TRIM33: variants seen among roughly 807,000 people sequenced by gnomAD.
TRIM33 encodes the protein tripartite motif containing 33, also known as E3 ubiquitin-protein ligase TRIM33.
TRIM33 carries 20 observed loss-of-function variants against 125.4 expected under a neutral mutation model. That is an observed-to-expected ratio of 0.16 (90% CI 0.11 to 0.23). TRIM33 has a LOEUF of 0.23. Among genes scored for constraint, TRIM33 ranks in the 10% least tolerant of loss-of-function variants. The pLI is 1.00. For synonymous variants in TRIM33, 564 were observed against 513.9 expected (o/e 1.10, Z -1.32); for missense variants, 920 against 1,411.4 (o/e 0.65, Z 5.58).
intron 1 of TRIM33, among the ~76,000 whole-genome samples, chr1:114,486,985 G>T (rs139309028): frequency 6.6e-6 from 1 of 151,572 alleles, no homozygotes; most frequent in African/African-American, 2.4e-5. Context: ...TACTTGGGAG[G>T]CTGAAGCAGG....
At chr1:114,444,220 G>C (rs752589462) in intron 4 of TRIM33, among the ~76,000 whole-genome samples, 4 of 152,134 alleles carry the variant, frequency 2.6e-5, no homozygotes, top group Admixed American at 6.5e-5. Flanking sequence ...GATGAGAATG[G>C]GGAACAGAGG....
intron 1 of TRIM33, among the ~76,000 whole-genome samples, chr1:114,476,607 G>A (rs1455970587): frequency 6.6e-6 from 1 of 151,778 alleles, no homozygotes; most frequent in Non-Finnish European, 1.5e-5. Context: ...AAATCTTTAG[G>A]AATCTAATGA....
At chr1:114,413,569 A>AG (rs1553206926) in intron 11 of TRIM33, among the ~76,000 whole-genome samples, 1 of 136,444 alleles carries the variant, frequency 7.3e-6, no homozygotes, top group African/African-American at 3.0e-5. Context: ...AAAAAAAAAA[A>AG]AAAAGAAAAG....
chr1:114,415,748 C>T (rs1474699089), intron 11 of TRIM33, among the ~76,000 whole-genome samples: 2 of 151,878 alleles, frequency 1.3e-5, no homozygotes, highest in African/African-American at 2.4e-5. Flanking sequence ...GTCAGGAGTT[C>T]GAGACCAGCC....
intron 1 of TRIM33, among the ~76,000 whole-genome samples, chr1:114,475,076 T>A (rs1381582099): frequency 6.6e-6 from 1 of 151,700 alleles, no homozygotes; most frequent in East Asian, 1.9e-4. Context: ...TGAAGAAAAA[T>A]CTGGCAAAAC....
In TRIM33 at chr1:114,408,752, T is replaced by G. The variant is rs1345643217; in HGVS notation, c.2195-12A>C. 1 of 1,570,406 alleles carries G rather than the reference T, an allele frequency of 6.4e-7. No individual in the cohort carries two copies. The highest frequency in any genetic ancestry group is 8.7e-7 in the Non-Finnish European group (1 of 1,147,592). ...AGAATTGGATAAACCTAAAAAGTAG[T>G]AAGTCAAAATGAATATCAATGCATA... is the stretch of plus-strand genomic sequence containing the variant. On this transcript the variant is annotated splice_polypyrimidine_tract_variant and intron_variant, in intron 12 of 19. Transcript: ENST00000358465.
intron 1 of TRIM33, among the ~76,000 whole-genome samples, chr1:114,505,817 C>T (rs1437630197): frequency 6.6e-6 from 1 of 152,148 alleles, no homozygotes; most frequent in Non-Finnish European, 1.5e-5. Context: ...ATCTGCCCGC[C>T]TCGGCCTCCC....
intron 1 of TRIM33, among the ~76,000 whole-genome samples, chr1:114,477,980 C>T (rs781642088): frequency 5.5e-4 from 84 of 152,296 alleles, no homozygotes; most frequent in Non-Finnish European, 8.2e-4. Flanking sequence ...AGCTGGACCA[C>T]TTTCAATAAT....
intron 11 of TRIM33, among the ~76,000 whole-genome samples, chr1:114,412,373 G>A (rs1477277752): frequency 1.3e-5 from 2 of 152,178 alleles, no homozygotes; most frequent in African/African-American, 4.8e-5. Flanking sequence ...TATAAATGAT[G>A]TACAATAAAC....
At chr1:114,509,138 T>C (rs1412285200) in intron 1 of TRIM33, among the ~76,000 whole-genome samples, 1 of 152,178 alleles carries the variant, frequency 6.6e-6, no homozygotes, top group Non-Finnish European at 1.5e-5. Flanking sequence ...TAAGTGATCT[T>C]TCTGGATCAG....
At position 114,397,580 on chromosome 1, in the gene TRIM33, G is replaced by GTTTTTTTTTT; in HGVS notation, c.*67_*68insAAAAAAAAAA. The GTTTTTTTTTT allele has an allele frequency of 9.3e-7, 1 of 1,075,176 alleles. No individual in the cohort carries two copies. The highest frequency in any genetic ancestry group is 3.5e-5 in the African/African-American group (1 of 28,770). 66.6% of individuals were successfully genotyped at this position (1,075,176 alleles called of 1,614,324 possible). A position where few individuals can be genotyped will look rare whatever the true frequency, so the allele number is the denominator to read the frequency against. ...CCAGCAACACTTAAAAGTTTTCTGG[G>GTTTTTTTTTT]TTTTTTGTGTTTTTTTTTTTTTTTT... On this transcript the variant is annotated 3_prime_UTR_variant, in exon 20 of 20. Coordinates refer to ENST00000358465, the MANE Select transcript of TRIM33 (RefSeq NM_015906.4).
intron 6 of TRIM33, among the ~76,000 whole-genome samples, chr1:114,428,112 A>G (rs987769303): frequency 2.0e-5 from 3 of 152,256 alleles, no homozygotes; most frequent in Non-Finnish European, 2.9e-5. Flanking sequence ...TTCCACATAT[A>G]GAAATGAATG....
intron 11 of TRIM33, among the ~76,000 whole-genome samples, chr1:114,416,838 C>T (rs905729838): frequency 3.9e-5 from 6 of 152,174 alleles, no homozygotes; most frequent in African/African-American, 1.4e-4. Context: ...GAATATGCTT[C>T]CTGTAAACCT....
intron 5 of TRIM33, among the ~76,000 whole-genome samples, chr1:114,432,483 GTTAC>G (rs899808715): frequency 6.6e-6 from 1 of 152,070 alleles, no homozygotes; most frequent in Admixed American, 6.6e-5. Context: ...TTCTTTTGGT[GTTAC>G]TTAAGATAAA....
At chr1:114,481,661 GTATATATA>G (rs372247789) in intron 1 of TRIM33, among the ~76,000 whole-genome samples, 20 of 144,942 alleles carry the variant, frequency 1.4e-4, no homozygotes, top group South Asian at 2.2e-4. Context: ...GTGTGTGTGT[GTATATATA>G]TGTGTGTATA....
intron 4 of TRIM33, among the ~76,000 whole-genome samples, chr1:114,453,996 G>A (rs1649483608): frequency 6.6e-6 from 1 of 152,164 alleles, no homozygotes; most frequent in Non-Finnish European, 1.5e-5. Context: ...TCCTTTCACT[G>A]TAATAAACAT....
intron 1 of TRIM33, among the ~76,000 whole-genome samples, chr1:114,475,861 A>T (rs1470145413): frequency 2.6e-5 from 4 of 151,770 alleles, no homozygotes; most frequent in African/African-American, 9.7e-5. Context: ...AAACTAGCTC[A>T]GCGTGTAGGT....
intron 4 of TRIM33, among the ~76,000 whole-genome samples, chr1:114,448,268 C>G (rs998522235): frequency 1.3e-5 from 2 of 152,112 alleles, no homozygotes; most frequent in Non-Finnish European, 2.9e-5. Context: ...AATATGGGTA[C>G]AGGTGCTTGT....
Position 114,402,807 on chromosome 1 carries a change from T to C in TRIM33, c.2845A>G (p.Ser949Gly). 1.2e-6 allele frequency: 2 copies of C among 1,614,178 alleles called. No homozygotes were observed. The highest frequency in any genetic ancestry group is 1.7e-6 in the Non-Finnish European group (2 of 1,180,024). The change falls in exon 16 of 20, where the codon AGT becomes GGT. Residue 949 changes from serine to glycine, a missense_variant. This residue lies in a region of TRIM33 where 122 missense variants were observed against 236.8 expected (regional missense o/e 0.52). Transcript: ENST00000358465. ...CCCTGCGCAGTTTTCCCCTTCTTAC[T>C]ATGTTGCAAATTATCACAATCATAT... ...VEYDCDNLQH[S>G]KKGKTAQGLS...
Sources: allele counts gnomAD v4.1 joint callset (sites outside exome capture counted in the v4.1 genomes callset), GRCh38; gene constraint gnomAD v4.1.1; regional missense constraint gnomAD v4.1.1; transcripts MANE v1.5; gene names NCBI Gene and HGNC (gene_info 2026-07-23, HGNC 2026-07-21).